GRID1: variants seen among roughly 807,000 people sequenced by gnomAD.
GRID1 encodes glutamate ionotropic receptor delta type subunit 1.
GRID1 carries 28 observed loss-of-function variants against 98.0 expected under a neutral mutation model. The ratio of observed to expected loss-of-function variants is 0.29; its 90% CI spans 0.21 to 0.39. The LOEUF (loss-of-function observed/expected upper bound fraction) is 0.39. GRID1 is among the 10% of genes least tolerant of loss of function. The pLI, the probability that GRID1 is intolerant of heterozygous loss-of-function variation, is 1.00. For synonymous variants in GRID1, 553 were observed against 538.5 expected (o/e 1.03, Z -0.37); for missense variants, 1,111 against 1,340.5 (o/e 0.83, Z 2.67).
At chr10:85,924,198 T>C (rs970640084) in intron 4 of GRID1, among the ~76,000 whole-genome samples, 1 of 152,208 alleles carries the variant, frequency 6.6e-6, no homozygotes, top group African/African-American at 2.4e-5. Flanking sequence ...AAAAAGAATA[T>C]GAATGTACAG....
chr10:86,298,388 T>C (rs1318537538), intron 2 of GRID1, among the ~76,000 whole-genome samples: 5 of 152,214 alleles, frequency 3.3e-5, no homozygotes, highest in African/African-American at 1.2e-4. Flanking sequence ...ATTATTTCCA[T>C]TCTAATGTAA....
chr10:86,080,876 C>T (rs753484568), intron 4 of GRID1, among the ~76,000 whole-genome samples: 15 of 152,204 alleles, frequency 9.9e-5, no homozygotes, highest in Non-Finnish European at 1.3e-4. Context: ...TACACACCAA[C>T]TCCAACCATC....
Position 86,281,293 on chromosome 10 carries a change from C to T in GRID1, c.236-74645G>A, listed in dbSNP as rs187821904. On this transcript the variant is annotated intron_variant, in intron 2 of 15. Transcript: ENST00000327946. Reference sequence around the variant, plus strand: ...CATCTTTCATTTACTTCCTGCCTGACGCTGAGCTGCTGGGATTGCAGAGGA... The same window carrying T: ...CATCTTTCATTTACTTCCTGCCTGATGCTGAGCTGCTGGGATTGCAGAGGA... Among the ~76,000 whole-genome samples the T allele has an allele frequency of 3.1e-4, 47 of 152,316 alleles. No individual in the cohort carries two copies. In the East Asian group the frequency reaches 4.2e-3, roughly 14 times the overall value.
At chr10:86,294,330 C>T (rs778149269) in intron 2 of GRID1, among the ~76,000 whole-genome samples, 1 of 152,172 alleles carries the variant, frequency 6.6e-6, no homozygotes, top group African/African-American at 2.4e-5. Flanking sequence ...TTTCCTCTAG[C>T]GAGATGGGAG....
intron 15 of GRID1, among the ~76,000 whole-genome samples, chr10:85,603,367 G>T (rs1002064905): frequency 3.9e-5 from 6 of 152,200 alleles, no homozygotes; most frequent in African/African-American, 1.4e-4. Flanking sequence ...GGTGGAGATT[G>T]TGAGGAATGG....
In GRID1 at chr10:86,021,707, T is replaced by C. The variant is rs142383224; in HGVS notation, c.727-105468A>G. ...ACACATCATTTTCACCCCAGGTCCA[T>C]AGTTTATATTCAGGTTGATGTCTGG... On this transcript the variant is annotated intron_variant, in intron 4 of 15. Transcript: ENST00000327946. 2.1e-4 allele frequency among the ~76,000 whole-genome samples: 32 copies of C among 152,260 alleles called. No homozygotes were observed. In the East Asian group the frequency reaches 5.6e-3, roughly 27 times the overall value.
chr10:86,263,124 AG>A (rs1847044582), intron 2 of GRID1, among the ~76,000 whole-genome samples: 1 of 152,222 alleles, frequency 6.6e-6, no homozygotes, highest in South Asian at 2.1e-4. Flanking sequence ...TTCGAGGCAG[AG>A]CCGCACATAA....
chr10:86,262,977 G>A (rs1847042220), intron 2 of GRID1, among the ~76,000 whole-genome samples: 1 of 139,882 alleles, frequency 7.1e-6, no homozygotes, highest in South Asian at 2.6e-4. Context: ...TGGGAAACCA[G>A]GGCTCAGCGC....
At chr10:85,730,804 C>T (rs1339492644) in intron 8 of GRID1, among the ~76,000 whole-genome samples, 1 of 152,158 alleles carries the variant, frequency 6.6e-6, no homozygotes, top group Non-Finnish European at 1.5e-5. Context: ...TTTGTATGCA[C>T]TTTCTGATTC....
At chr10:86,057,193 G>C (rs1246367863) in intron 4 of GRID1, among the ~76,000 whole-genome samples, 1 of 152,176 alleles carries the variant, frequency 6.6e-6, no homozygotes, top group Admixed American at 6.5e-5. Flanking sequence ...AGAGTAGAAG[G>C]AGCATTAAAG....
At chr10:86,334,489 G>A (rs2132105173) in intron 2 of GRID1, among the ~76,000 whole-genome samples, 1 of 152,240 alleles carries the variant, frequency 6.6e-6, no homozygotes, top group African/African-American at 2.4e-5. Context: ...AACGCTCCTT[G>A]CCTGGTTATG....
At chr10:86,168,088 G>A (rs1178460627) in intron 3 of GRID1, among the ~76,000 whole-genome samples, 4 of 152,172 alleles carry the variant, frequency 2.6e-5, no homozygotes, top group African/African-American at 9.7e-5. Flanking sequence ...AATGAATGCA[G>A]CCCAAAAACA....
chr10:86,240,701 C>G (rs904284271), intron 2 of GRID1, among the ~76,000 whole-genome samples: 2 of 152,176 alleles, frequency 1.3e-5, no homozygotes, highest in African/African-American at 4.8e-5. Context: ...GATAAGGAGT[C>G]CAAGCAGCAG....
At chr10:85,993,895 G>A (rs1410624757) in intron 4 of GRID1, among the ~76,000 whole-genome samples, 2 of 121,268 alleles carry the variant, frequency 1.6e-5, no homozygotes, top group Non-Finnish European at 1.8e-5. Context: ...TTCAGTAGAT[G>A]ATGTTTCCTT....
chr10:85,839,651 T>C (rs1842944530), intron 8 of GRID1, among the ~76,000 whole-genome samples: 2 of 152,120 alleles, frequency 1.3e-5, no homozygotes, highest in African/African-American at 4.8e-5. Context: ...TAGCACTAAA[T>C]GCCCACATGA....
chr10:86,168,939 G>T (rs552078458), intron 3 of GRID1, among the ~76,000 whole-genome samples: 5 of 152,300 alleles, frequency 3.3e-5, no homozygotes, highest in African/African-American at 1.2e-4. Flanking sequence ...TGTGGGGAAA[G>T]AAATTGAAGC....
intron 8 of GRID1, among the ~76,000 whole-genome samples, chr10:85,832,105 T>C (rs568688958): frequency 1.3e-5 from 2 of 152,228 alleles, no homozygotes; most frequent in East Asian, 3.9e-4. Context: ...GAAATACTTA[T>C]TGAAAATCAC....
At chr10:85,642,375 C>G (rs976574011) in intron 13 of GRID1, among the ~76,000 whole-genome samples, 1 of 152,206 alleles carries the variant, frequency 6.6e-6, no homozygotes, top group Admixed American at 6.5e-5. Flanking sequence ...CTTTGTGACA[C>G]ATCTTTCAGG....
intron 3 of GRID1, among the ~76,000 whole-genome samples, chr10:86,150,463 T>C (rs1431470675): frequency 6.6e-6 from 1 of 152,226 alleles, no homozygotes; most frequent in African/African-American, 2.4e-5. Context: ...TCCTCTTTCA[T>C]TTAAGTAGAG....
Sources: gnomAD v4.1 joint callset for allele counts (sites outside exome capture counted in the v4.1 genomes callset) on GRCh38, gnomAD v4.1.1 for gene constraint, MANE v1.5 for transcripts, NCBI Gene and HGNC (gene_info 2026-07-23, HGNC 2026-07-21) for gene names.